Variants in PCNT observed in about 807,000 individuals in gnomAD.
PCNT encodes the protein pericentrin.
Under a neutral mutation model 380.4 loss-of-function variants are expected in PCNT, and 319 were observed. The ratio of observed to expected loss-of-function variants is 0.84; its 90% CI spans 0.77 to 0.92. The LOEUF (loss-of-function observed/expected upper bound fraction) is 0.92. Among genes scored for constraint, PCNT ranks in the 40% least tolerant of loss-of-function variants. PCNT has a pLI of 0.00. For synonymous variants in PCNT, 1,845 were observed against 1,735.2 expected (o/e 1.06, Z -1.57); for missense variants, 4,400 against 4,255.3 (o/e 1.03, Z -0.95).
At chr21:46,428,371 C>T in intron 34 of PCNT, 24 bp from the exon 35 acceptor site, 1 of 1,607,346 alleles carries the variant, frequency 6.2e-7, no homozygotes, top group South Asian at 1.1e-5. Context: ...AATGCTCAGG[C>T]TGCTTGTCCC....
rs1171116611 is a variant in PCNT, at chr21:46,388,622, T to G, written c.3465-120T>G. ...ATGAGGATCATGTCTTCCGGCCCCG[T>G]GGGGACAGGCAGCCGTGGGCCGAGG... On this transcript the variant is annotated intron_variant, in intron 17 of 46. Coordinates refer to ENST00000359568, the MANE Select transcript of PCNT (RefSeq NM_006031.6). The surrounding 1 kb of genome is among the most constrained non-coding windows in gnomAD (Gnocchi z 4.2). 1 of 1,277,040 alleles carries G rather than the reference T, an allele frequency of 7.8e-7. No homozygotes were observed. The highest frequency in any genetic ancestry group is 1.1e-6 in the Non-Finnish European group (1 of 888,632). 79.1% of individuals were successfully genotyped at this position (1,277,040 alleles called of 1,614,324 possible). A position where few individuals can be genotyped will look rare whatever the true frequency, so the allele number is the denominator to read the frequency against.
intron 32 of PCNT, among the ~76,000 whole-genome samples, chr21:46,424,442 C>T (rs896548858): frequency 6.6e-6 from 1 of 152,334 alleles, no homozygotes; most frequent in Admixed American, 6.5e-5. Context: ...AGGCCATGTT[C>T]TAAGGTACCC....
At chr21:46,385,694 C>T (rs2085805350) in intron 16 of PCNT, 138 bp from the exon 17 acceptor site, 1 of 913,358 alleles carries the variant, frequency 1.1e-6, no homozygotes, top group Non-Finnish European at 1.8e-6. Flanking sequence ...GAAGTGCCTG[C>T]TCCTTTTGCC....
chr21:46,339,067 C>T (rs1601773787), intron 3 of PCNT, among the ~76,000 whole-genome samples: 1 of 152,248 alleles, frequency 6.6e-6, no homozygotes, highest in Admixed American at 6.5e-5. Context: ...CAGGCGTGAG[C>T]CACCGCACCC....
rs572444748 is a variant in PCNT, at chr21:46,357,145, A to T, written c.2108A>T (p.Tyr703Phe). 306 of 1,614,084 alleles carry T rather than the reference A, an allele frequency of 1.9e-4. 4 individuals are homozygous for T. In the South Asian group the frequency reaches 3.2e-3, roughly 17 times the overall value. Residue 703 changes from tyrosine (Y) to phenylalanine (F), a missense_variant, in exon 13 of 47, where the codon TAT becomes TTT. Transcript: ENST00000359568. The part of the protein sequence containing the change: ...ELLKIENRNL[Y>F]GKLQHETRLK... The stretch of plus-strand genomic sequence containing the variant: ...CTAAAAATAGAAAATAGAAATTTGT[A>T]TGGGAAGTTGCAGCATGAAACTCGT...
intron 25 of PCNT, 119 bp from the exon 26 acceptor site, chr21:46,401,432 G>A: frequency 2.4e-6 from 2 of 831,308 alleles, no homozygotes; most frequent in South Asian, 2.8e-5. Context: ...GCAGGGGCGT[G>A]CAGGTCCACC....
At chr21:46,422,941 G>C (rs2087318138) in intron 32 of PCNT, among the ~76,000 whole-genome samples, 2 of 152,070 alleles carry the variant, frequency 1.3e-5, no homozygotes, top group African/African-American at 2.4e-5. Flanking sequence ...ACTGCATTCA[G>C]AATAAAACTT....
At chr21:46,336,963 A>C (rs1251546927) in intron 3 of PCNT, among the ~76,000 whole-genome samples, 2 of 149,534 alleles carry the variant, frequency 1.3e-5, no homozygotes, top group African/African-American at 4.9e-5. Flanking sequence ...TTACTTTAAA[A>C]AAAAAAATTA....
intron 3 of PCNT, among the ~76,000 whole-genome samples, chr21:46,340,846 T>C (rs751707254): frequency 6.6e-6 from 1 of 151,722 alleles, no homozygotes; most frequent in Non-Finnish European, 1.5e-5. Context: ...ATTTTTGTAT[T>C]TTTTTTTAGT....
intron 3 of PCNT, among the ~76,000 whole-genome samples, chr21:46,340,803 G>A (rs1370850492): frequency 1.3e-5 from 2 of 152,148 alleles, no homozygotes; most frequent in Non-Finnish European, 2.9e-5. Flanking sequence ...CCAAGTAGCT[G>A]GGATTACAGG....
At chr21:46,409,695 G>GT (rs2086724525) in intron 27 of PCNT, among the ~76,000 whole-genome samples, 2 of 152,200 alleles carry the variant, frequency 1.3e-5, no homozygotes, top group African/African-American at 4.8e-5. Context: ...TGCCTCCAGA[G>GT]TTTAAGTGAT....
chr21:46,334,569 C>G lies in PCNT; in HGVS notation c.440C>G (p.Thr147Arg). Residue 147 changes from threonine (T) to arginine (R), a missense_variant, in exon 3 of 47, where the codon ACA becomes AGA. Coordinates refer to ENST00000359568, the MANE Select transcript of PCNT (RefSeq NM_006031.6). ...DHPPEQRGMF[T>R]VSDHPPEQHG... ...CCACCAGAACAGCGTGGGATGTTCACAGTCAGTGACCACCCACCAGAACAG... is the reference window on the plus strand; with the variant it reads ...CCACCAGAACAGCGTGGGATGTTCAGAGTCAGTGACCACCCACCAGAACAG... 1.3e-6 allele frequency: 2 copies of G among 1,573,692 alleles called. No homozygotes were observed. Among genetic ancestry groups the G allele is most frequent in the Non-Finnish European group, 1.7e-6 (2 of 1,146,474 alleles).
intron 14 of PCNT, 74 bp from the exon 15 acceptor site, chr21:46,366,510 C>A: frequency 7.9e-7 from 1 of 1,267,352 alleles, no homozygotes; most frequent in South Asian, 1.2e-5. Flanking sequence ...CTGTGGGAAA[C>A]TGACTTGGCT....
At chr21:46,342,982 G>A (rs758129402) in intron 3 of PCNT, among the ~76,000 whole-genome samples, 3 of 152,128 alleles carry the variant, frequency 2.0e-5, no homozygotes, top group Non-Finnish European at 4.4e-5. Context: ...CACTTTTGGG[G>A]TATAGCAGTG....
At chr21:46,367,636 G>A (rs1159368031) in intron 15 of PCNT, among the ~76,000 whole-genome samples, 2 of 152,080 alleles carry the variant, frequency 1.3e-5, no homozygotes, top group Admixed American at 1.3e-4. Flanking sequence ...CTGAGTTGAA[G>A]GGTTATTTTG....
At chr21:46,378,187 C>T (rs908597237) in intron 15 of PCNT, among the ~76,000 whole-genome samples, 3 of 152,134 alleles carry the variant, frequency 2.0e-5, no homozygotes, top group African/African-American at 7.2e-5. Context: ...TTCCAAGACC[C>T]CCAGTGGGTG....
chr21:46,399,934 CAG>C, intron 25 of PCNT, 138 bp downstream of exon 25: 2 of 785,792 alleles, frequency 2.5e-6, no homozygotes, highest in East Asian at 4.9e-5. Context: ...ACACTGGCGT[CAG>C]GGAGAAACAG....
chr21:46,433,469 A>G (rs1206187393), intron 38 of PCNT, among the ~76,000 whole-genome samples: 3 of 152,152 alleles, frequency 2.0e-5, no homozygotes, highest in African/African-American at 4.8e-5. Flanking sequence ...TTGGTGGTAC[A>G]GACAGTGTGG....
intron 1 of PCNT, 67 bp from the exon 2 acceptor site, chr21:46,326,310 C>T (rs1185533782): frequency 6.7e-7 from 1 of 1,490,134 alleles, no homozygotes; most frequent in East Asian, 2.3e-5. Flanking sequence ...AGTCTGTTGA[C>T]TTTGTGGTTC....
Sources: gnomAD v4.1 joint callset for allele counts (sites outside exome capture counted in the v4.1 genomes callset) on GRCh38, gnomAD v4.1.1 for gene constraint, Gnocchi (gnomAD v3.1) non-coding constraint, MANE v1.5 for transcripts, NCBI Gene and HGNC (gene_info 2026-07-23, HGNC 2026-07-21) for gene names.